The following EXOC6B variants were observed in gnomAD, a reference collection of about 807,000 sequenced individuals.
EXOC6B encodes the protein SEC15 homolog B.
EXOC6B carries 54 observed loss-of-function variants against 113.5 expected under a neutral mutation model. The ratio of observed to expected loss-of-function variants is 0.48; its 90% CI spans 0.38 to 0.60. The LOEUF (loss-of-function observed/expected upper bound fraction) is 0.60. Ranked by LOEUF, EXOC6B falls within the 20% of genes least tolerant of loss-of-function variation. The probability of loss-of-function intolerance (pLI) is 0.00; values close to 1 mark genes in which losing one functional copy is unlikely to be tolerated. For synonymous variants in EXOC6B, 357 were observed against 339.0 expected (o/e 1.05, Z -0.58); for missense variants, 797 against 977.5 (o/e 0.82, Z 2.46).
At chr2:72,411,967 C>T (rs1002397736) in intron 18 of EXOC6B, among the ~76,000 whole-genome samples, 1 of 151,838 alleles carries the variant, frequency 6.6e-6, no homozygotes, top group Non-Finnish European at 1.5e-5. Flanking sequence ...AAGATAAAAG[C>T]AATTTAAATC....
At chr2:72,719,162 C>T (rs1383810688) in intron 5 of EXOC6B, among the ~76,000 whole-genome samples, 1 of 152,156 alleles carries the variant, frequency 6.6e-6, no homozygotes, top group Admixed American at 6.5e-5. Context: ...TGGTCATTGG[C>T]CATGGCTAGT....
At chr2:72,203,538 C>T (rs920159471) in intron 20 of EXOC6B, among the ~76,000 whole-genome samples, 2 of 152,188 alleles carry the variant, frequency 1.3e-5, no homozygotes, top group African/African-American at 4.8e-5. Flanking sequence ...CTCAACTGGA[C>T]TTCCATTATC....
At chr2:72,260,945 T>C (rs781092973) in intron 20 of EXOC6B, among the ~76,000 whole-genome samples, 8 of 152,200 alleles carry the variant, frequency 5.3e-5, no homozygotes, top group Non-Finnish European at 1.0e-4. Flanking sequence ...CATGTGTCTG[T>C]TGCATGACAT....
At chr2:72,494,923 T>C (rs934313239) in intron 15 of EXOC6B, among the ~76,000 whole-genome samples, 2 of 152,184 alleles carry the variant, frequency 1.3e-5, no homozygotes, top group African/African-American at 4.8e-5. Context: ...AAAATATACA[T>C]ATACAAGTAG....
intron 1 of EXOC6B, among the ~76,000 whole-genome samples, chr2:72,824,090 T>G (rs1686757701): frequency 6.6e-6 from 1 of 151,274 alleles, no homozygotes; most frequent in Non-Finnish European, 1.5e-5. Flanking sequence ...AAAAGTCACT[T>G]TAAGGGACAA....
At chr2:72,483,060 G>A (rs968085050) in intron 16 of EXOC6B, among the ~76,000 whole-genome samples, 12 of 152,074 alleles carry the variant, frequency 7.9e-5, no homozygotes, top group Admixed American at 2.6e-4. Context: ...AGACTACTAC[G>A]TCCTATAAAA....
At chr2:72,565,741 GAT>G (rs1305201205) in intron 7 of EXOC6B, among the ~76,000 whole-genome samples, 4 of 152,074 alleles carry the variant, frequency 2.6e-5, no homozygotes, top group African/African-American at 9.7e-5. Context: ...ACTACAAAGA[GAT>G]ATGTTTCTTA....
intron 19 of EXOC6B, among the ~76,000 whole-genome samples, chr2:72,342,845 G>A (rs1331240003): frequency 2.0e-5 from 3 of 152,078 alleles, no homozygotes; most frequent in South Asian, 4.2e-4. Context: ...TATAGTTACC[G>A]TATGATCCAG....
intron 18 of EXOC6B, among the ~76,000 whole-genome samples, chr2:72,389,774 T>C (rs1692256220): frequency 6.6e-6 from 1 of 152,208 alleles, no homozygotes; most frequent in Non-Finnish European, 1.5e-5. Flanking sequence ...TTTTTCTCTG[T>C]ATGTACTATG....
chr2:72,447,192 C>T (rs1383123903), intron 18 of EXOC6B, among the ~76,000 whole-genome samples: 1 of 151,954 alleles, frequency 6.6e-6, no homozygotes, highest in African/African-American at 2.4e-5. Context: ...CCAAATTTAT[C>T]TTTGGAAAAA....
chr2:72,451,654 C>CTGTGCCTGTGTGTG (rs1553412938), intron 18 of EXOC6B, among the ~76,000 whole-genome samples: 11 of 142,496 alleles, frequency 7.7e-5, no homozygotes, highest in African/African-American at 2.6e-4. Flanking sequence ...GTCTTTGTGC[C>CTGTGCCTGTGTGTG]TGTGTGTGTG....
At chr2:72,447,275 T>A (rs1022971759) in intron 18 of EXOC6B, among the ~76,000 whole-genome samples, 3 of 152,184 alleles carry the variant, frequency 2.0e-5, no homozygotes, top group Non-Finnish European at 4.4e-5. Context: ...GGAAGGACCA[T>A]CTTTATTTCA....
intron 18 of EXOC6B, among the ~76,000 whole-genome samples, chr2:72,390,185 T>C (rs1029873130): frequency 2.6e-5 from 4 of 152,246 alleles, no homozygotes; most frequent in Non-Finnish European, 5.9e-5. Flanking sequence ...TTATTTTCTA[T>C]AGTTGCTAAT....
chr2:72,686,545 G>A (rs932165536), intron 6 of EXOC6B, among the ~76,000 whole-genome samples: 8 of 152,076 alleles, frequency 5.3e-5, no homozygotes, highest in East Asian at 1.9e-4. Flanking sequence ...TGAAAAGTCC[G>A]GGTTTCAGAG....
intron 1 of EXOC6B, among the ~76,000 whole-genome samples, chr2:72,752,386 A>G (rs537732272): frequency 3.0e-4 from 45 of 152,158 alleles, no homozygotes; most frequent in African/African-American, 1.1e-3. Context: ...TATTCCATCA[A>G]TACTTTCTTT....
chr2:72,267,867 G>A (rs1182129402), intron 20 of EXOC6B, among the ~76,000 whole-genome samples: 1 of 152,034 alleles, frequency 6.6e-6, no homozygotes, highest in African/African-American at 2.4e-5. Flanking sequence ...TATGCATCAA[G>A]ACAAAATGAC....
intron 6 of EXOC6B, among the ~76,000 whole-genome samples, chr2:72,597,557 A>G (rs1384786726): frequency 6.6e-6 from 1 of 151,972 alleles, no homozygotes; most frequent in Admixed American, 6.6e-5. Flanking sequence ...ATAAGAATAT[A>G]AAAGTAATAA....
At chr2:72,232,331 G>A (rs1375458668) in intron 20 of EXOC6B, among the ~76,000 whole-genome samples, 1 of 152,076 alleles carries the variant, frequency 6.6e-6, no homozygotes, top group African/African-American at 2.4e-5. Context: ...CGGTTATAGT[G>A]AGATTAAAAT....
At chr2:72,786,567 T>C (rs989005718) in intron 1 of EXOC6B, among the ~76,000 whole-genome samples, 2 of 152,214 alleles carry the variant, frequency 1.3e-5, no homozygotes, top group African/African-American at 4.8e-5. Context: ...ATACCAAAAC[T>C]GCCTTCATTG....
Sources: allele counts gnomAD v4.1 joint callset (sites outside exome capture counted in the v4.1 genomes callset), GRCh38; gene constraint gnomAD v4.1.1; transcripts MANE v1.5; gene names NCBI Gene and HGNC (gene_info 2026-07-23, HGNC 2026-07-21).